AKNA: variants seen among roughly 807,000 people sequenced by gnomAD.
AKNA encodes AT-hook transcription factor, also known as microtubule organization protein AKNA.
In AKNA, 67 loss-of-function variants were observed where a neutral mutation model predicts 138.8. The ratio of observed to expected loss-of-function variants is 0.48; its 90% CI spans 0.40 to 0.59. The LOEUF is 0.59. Ranked by LOEUF, AKNA falls within the 20% of genes least tolerant of loss-of-function variation. The probability of loss-of-function intolerance (pLI) is 0.00; values close to 1 mark genes in which losing one functional copy is unlikely to be tolerated. For missense variants in AKNA, 1,813 were observed against 1,880.4 expected, an observed-to-expected ratio of 0.96 and a Z score of 0.66; for synonymous variants, 737 against 754.4, an observed-to-expected ratio of 0.98 and a Z score of 0.38.
At chr9:114,370,129 C>T (rs931614772) in intron 4 of AKNA, among the ~76,000 whole-genome samples, 1 of 152,246 alleles carries the variant, frequency 6.6e-6, no homozygotes, top group Non-Finnish European at 1.5e-5. Flanking sequence ...AGCAGGCTCT[C>T]TTGCTTAAGC....
At chr9:114,356,201 T>A (rs745788057) in intron 13 of AKNA, 65 bp from the exon 14 acceptor site, 47 of 1,477,164 alleles carry the variant, frequency 3.2e-5, no homozygotes, top group Non-Finnish European at 4.1e-5. Context: ...GGCGGCAGCA[T>A]CTGAGCCCCT....
intron 16 of AKNA, among the ~76,000 whole-genome samples, chr9:114,347,144 G>C (rs1255105590): frequency 6.6e-6 from 1 of 152,186 alleles, no homozygotes; most frequent in Non-Finnish European, 1.5e-5. Context: ...ATGGGTGAGA[G>C]TGAAGGCATG....
At position 114,381,080 on chromosome 9, in the gene AKNA, G is replaced by A. The variant is rs372366101; in HGVS notation, c.254C>T (p.Ser85Leu). The A allele has an allele frequency of 1.3e-6, 2 of 1,572,094 alleles. No individual in the cohort carries two copies. The highest frequency in any genetic ancestry group is 1.7e-6 in the Non-Finnish European group (2 of 1,164,998). ...CTCACCTTCTCCCGAAGTCTCTCCT[G>A]ACTCGGAATCCTGATGCCCATCGGG... ...PQPDGHQDSESGETSGEEAEA... is the reference protein window; with the variant it reads ...PQPDGHQDSELGETSGEEAEA... Residue 85 changes from serine to leucine, a missense_variant, in exon 2 of 22, where the codon TCA (serine) becomes TTA (leucine). Physicochemically the swap from Ser to Leu is moderately radical, Grantham distance 145 (BLOSUM62 -2). Coordinates refer to ENST00000374088, the MANE Select transcript of AKNA (RefSeq NM_001317950.2).
At chr9:114,367,419 C>T in intron 6 of AKNA, 124 bp downstream of exon 6, 1 of 1,227,600 alleles carries the variant, frequency 8.1e-7, no homozygotes, top group Non-Finnish European at 1.1e-6. Context: ...GCTGAGTTAA[C>T]TCGGTGCAGA....
intron 6 of AKNA, 58 bp downstream of exon 6, chr9:114,367,485 G>T: frequency 1.3e-6 from 2 of 1,591,044 alleles, no homozygotes; most frequent in East Asian, 2.2e-5. Context: ...GCAGGCAGAG[G>T]TTCTGTGTTC....
At chr9:114,355,803 G>T in intron 14 of AKNA, 122 bp downstream of exon 14, 1 of 1,076,552 alleles carries the variant, frequency 9.3e-7, no homozygotes, top group Non-Finnish European at 1.3e-6. Context: ...CACGTTATCT[G>T]TAATTTCAAA....
chr9:114,379,810 G>C (rs1833506618), intron 2 of AKNA, among the ~76,000 whole-genome samples: 1 of 152,164 alleles, frequency 6.6e-6, no homozygotes, highest in Non-Finnish European at 1.5e-5. Flanking sequence ...AGCTATTGTA[G>C]AAAACAAGAA....
At chr9:114,396,660 A>T (rs898498555), upstream of AKNA, 1 of 150,322 alleles carries the variant, frequency 6.7e-6, no homozygotes, top group Non-Finnish European at 1.5e-5. Flanking sequence ...GCCTGGAGAC[A>T]GAGCTAGACT....
At chr9:114,371,073 C>G (rs1832740359) in intron 4 of AKNA, among the ~76,000 whole-genome samples, 1 of 152,200 alleles carries the variant, frequency 6.6e-6, no homozygotes, top group Non-Finnish European at 1.5e-5. Context: ...TAAACCCTGG[C>G]CAGAGGCCAG....
At position 114,337,012 on chromosome 9, in the gene AKNA, T is replaced by TGGGGGGGGGGGGGGGGGGC; in HGVS notation, c.*41_*42insGCCCCCCCCCCCCCCCCCC. 8.3e-7 allele frequency: 1 copy of TGGGGGGGGGGGGGGGGGGC among 1,208,224 alleles called. No individual in the cohort carries two copies. The highest frequency in any genetic ancestry group is 1.1e-6 in the Non-Finnish European group (1 of 929,350). 74.8% of individuals were successfully genotyped at this position (1,208,224 alleles called of 1,614,324 possible). ...CCCACTCCTGGCCTGGCAGGCCACC[T>TGGGGGGGGGGGGGGGGGGC]GCCCACCCACCCACCCATCTGCCTC... On this transcript the variant is annotated 3_prime_UTR_variant, in exon 22 of 22. Transcript: ENST00000374088.
intron 1 of AKNA, among the ~76,000 whole-genome samples, chr9:114,387,252 C>T (rs1459219625): frequency 2.0e-5 from 3 of 152,152 alleles, no homozygotes; most frequent in Admixed American, 6.5e-5. Context: ...ACTCTAGTCC[C>T]ACAAGGAAGC....
At chr9:114,397,794 C>T (rs890706631), upstream of AKNA, among the ~76,000 whole-genome samples, 1 of 152,180 alleles carries the variant, frequency 6.6e-6, no homozygotes, top group Non-Finnish European at 1.5e-5. Flanking sequence ...ATTTTTGCAG[C>T]CCGTTCAGTT....
At position 114,377,117 on chromosome 9, in the gene AKNA, G is replaced by T; in HGVS notation, c.690C>A (p.Ala230=). The change falls in exon 3 of 22, where the codon GCC becomes GCA. Residue 230 remains alanine (A), a synonymous_variant. Transcript: ENST00000374088. ...EGETDGPQPT[A]LAETLPEGPS... Reference sequence around the variant, plus strand: ...GGCCCTCTGGCAAGGTTTCTGCCAGGGCAGTGGGCTGGGGGCCATCGGTCT... The same window carrying T: ...GGCCCTCTGGCAAGGTTTCTGCCAGTGCAGTGGGCTGGGGGCCATCGGTCT... 3 of 1,614,202 alleles carry T rather than the reference G, an allele frequency of 1.9e-6. No individual in the cohort carries two copies. The Middle Eastern group carries it at 4.9e-4, about 266-fold the overall frequency.
At chr9:114,340,956 G>A (rs1221871556) in intron 21 of AKNA, among the ~76,000 whole-genome samples, 2 of 152,178 alleles carry the variant, frequency 1.3e-5, no homozygotes, top group African/African-American at 2.4e-5. Flanking sequence ...CAGGACTTTG[G>A]AGGAAAACGG....
intron 1 of AKNA, among the ~76,000 whole-genome samples, chr9:114,386,874 C>T (rs1235239700): frequency 3.3e-5 from 5 of 152,126 alleles, no homozygotes; most frequent in Non-Finnish European, 7.4e-5. Flanking sequence ...TTTGCCAGCA[C>T]AGCTACGCAG....
chr9:114,378,689 C>T (rs1436150307), intron 2 of AKNA, among the ~76,000 whole-genome samples: 2 of 152,098 alleles, frequency 1.3e-5, no homozygotes, highest in Non-Finnish European at 2.9e-5. Flanking sequence ...TCCATCTACC[C>T]ACCCATCTAT....
At chr9:114,361,329 A>T (rs558070442) in intron 9 of AKNA, among the ~76,000 whole-genome samples, 9 of 152,176 alleles carry the variant, frequency 5.9e-5, no homozygotes, top group Admixed American at 5.9e-4. Flanking sequence ...TCATTTAAAC[A>T]TGACTTCTTC....
Position 114,368,476 on chromosome 9 carries a change from C to G in AKNA, c.1536G>C (p.Pro512=). 7.5e-7 allele frequency: 1 copy of G among 1,337,802 alleles called. No homozygotes were observed. The highest frequency in any genetic ancestry group is 9.7e-7 in the Non-Finnish European group (1 of 1,034,156). The allele number at this position is 1,337,802 out of a possible 1,614,324, so 82.9% of individuals were successfully genotyped here. A position where few individuals can be genotyped will look rare whatever the true frequency, so the allele number is the denominator to read the frequency against. ...IPQPRSAEWW[P]GPAEDPQASA... The stretch of plus-strand genomic sequence containing the variant: ...AGGCCTGGGGGTCCTCGGCCGGGCC[C>G]GGCCACCACTCTGCAGAGCGGGGCT... The change falls in exon 5 of 22, where the codon CCG becomes CCC. Residue 512 remains proline (P), a synonymous_variant. Transcript: ENST00000374088.
intron 15 of AKNA, among the ~76,000 whole-genome samples, 156 bp downstream of exon 15, chr9:114,350,703 C>G (rs1831048078): frequency 6.6e-6 from 1 of 152,152 alleles, no homozygotes; most frequent in South Asian, 2.1e-4. Flanking sequence ...CACAGAAACG[C>G]TGGGAACTGG....
Sources: allele counts gnomAD v4.1 joint callset (sites outside exome capture counted in the v4.1 genomes callset), GRCh38; gene constraint gnomAD v4.1.1; transcripts MANE v1.5; gene names NCBI Gene and HGNC (gene_info 2026-07-23, HGNC 2026-07-21).